GPM6A: variants seen among roughly 807,000 people sequenced by gnomAD.
GPM6A encodes the protein neuronal membrane glycoprotein M6-a.
GPM6A carries 7 observed loss-of-function variants against 32.1 expected under a neutral mutation model. That is an observed-to-expected ratio of 0.22 (90% CI 0.12 to 0.41). GPM6A has a LOEUF of 0.41. Among genes scored for constraint, GPM6A ranks in the 10% least tolerant of loss-of-function variants. The pLI is 1.00. For missense variants in GPM6A, 235 were observed against 347.2 expected (o/e 0.68, Z 2.57); for synonymous variants, 130 against 123.4 (o/e 1.05, Z -0.35).
At chr4:175,750,307 C>T (rs1579457794) in intron 1 of GPM6A, among the ~76,000 whole-genome samples, 1 of 152,270 alleles carries the variant, frequency 6.6e-6, no homozygotes, top group South Asian at 2.1e-4. Flanking sequence ...ATCCACCCGC[C>T]TTGGCCTCTT....
intron 1 of GPM6A, among the ~76,000 whole-genome samples, chr4:175,967,213 C>A (rs1270964109): frequency 6.6e-6 from 1 of 152,142 alleles, no homozygotes; most frequent in East Asian, 1.9e-4. Flanking sequence ...ATTATGACAA[C>A]AGATGCAGAA....
chr4:175,709,148 C>T (rs769263904), intron 1 of GPM6A, among the ~76,000 whole-genome samples: 9 of 152,074 alleles, frequency 5.9e-5, no homozygotes, highest in Non-Finnish European at 1.0e-4. Flanking sequence ...ATTTTTAATG[C>T]GTTCGTCATC....
At chr4:175,980,092 T>A (rs1425846546) in intron 1 of GPM6A, among the ~76,000 whole-genome samples, 1 of 152,210 alleles carries the variant, frequency 6.6e-6, no homozygotes, top group Admixed American at 6.5e-5. Context: ...ATTATCATTT[T>A]ACAAAAGTTA....
At position 175,695,242 on chromosome 4, in the gene GPM6A, T is replaced by C. The variant is rs143679477; in HGVS notation, c.230+6333A>G. Among the ~76,000 whole-genome samples the C allele has an allele frequency of 2.8e-3, 419 of 152,238 alleles. 3 individuals carry two copies. The highest frequency in any genetic ancestry group is 9.8e-3 in the African/African-American group (408 of 41,554). ...TTGGAGCTCCCACACAGAGTCCCCA[T>C]TGGGGTACTAGCTAGTAGAGCTGTG... is the stretch of plus-strand genomic sequence containing the variant. On this transcript the variant is annotated intron_variant, in intron 2 of 6. Transcript: ENST00000393658.
intron 1 of GPM6A, among the ~76,000 whole-genome samples, chr4:175,939,619 C>T (rs1739343092): frequency 3.3e-5 from 5 of 152,000 alleles, no homozygotes; most frequent in Admixed American, 3.3e-4. Flanking sequence ...ATAATATAAC[C>T]ATTATATGTG....
chr4:175,794,639 G>A (rs1734146622), intron 1 of GPM6A, among the ~76,000 whole-genome samples: 1 of 152,278 alleles, frequency 6.6e-6, no homozygotes, highest in East Asian at 1.9e-4. Flanking sequence ...TGGAACCTGG[G>A]GAATTGCATG....
At chr4:175,647,285 T>C (rs1451256332) in intron 4 of GPM6A, among the ~76,000 whole-genome samples, 1 of 152,180 alleles carries the variant, frequency 6.6e-6, no homozygotes, top group Non-Finnish European at 1.5e-5. Context: ...GATGATGTAA[T>C]GAGGATCAGT....
intron 3 of GPM6A, among the ~76,000 whole-genome samples, chr4:175,662,640 C>T (rs2110950465): frequency 6.6e-6 from 1 of 151,730 alleles, no homozygotes; most frequent in East Asian, 1.9e-4. Flanking sequence ...ACACATTTAG[C>T]AGGTATTTAA....
chr4:175,949,326 G>A (rs1739725002), intron 1 of GPM6A, among the ~76,000 whole-genome samples: 1 of 152,028 alleles, frequency 6.6e-6, no homozygotes, highest in Admixed American at 6.6e-5. Context: ...TTTGGTGGTG[G>A]TGGTAGAGAC....
intron 1 of GPM6A, among the ~76,000 whole-genome samples, chr4:175,842,470 C>A (rs1390002789): frequency 6.6e-6 from 1 of 152,106 alleles, no homozygotes; most frequent in Non-Finnish European, 1.5e-5. Context: ...TGTTGGTTCA[C>A]ACTTGTGATC....
chr4:175,649,247 C>G (rs1741644041), intron 4 of GPM6A, among the ~76,000 whole-genome samples: 1 of 152,138 alleles, frequency 6.6e-6, no homozygotes, highest in Admixed American at 6.6e-5. Context: ...AAGACATATT[C>G]TGTGCTTAAT....
At chr4:175,806,798 C>T (rs542020916) in intron 1 of GPM6A, 2 of 152,224 alleles carry the variant, frequency 1.3e-5, no homozygotes, top group Non-Finnish European at 2.9e-5. Context: ...AAAAGCACAG[C>T]TGTGAAATCT....
intron 1 of GPM6A, among the ~76,000 whole-genome samples, chr4:175,954,286 G>T (rs187942511): frequency 3.6e-4 from 55 of 152,330 alleles, no homozygotes; most frequent in Non-Finnish European, 7.8e-4. Flanking sequence ...CAGAGATCTA[G>T]AACGTTTTCA....
At chr4:175,803,965 ATGGTTTTTTT>A (rs954910653) in intron 1 of GPM6A, among the ~76,000 whole-genome samples, 3 of 145,896 alleles carry the variant, frequency 2.1e-5, no homozygotes, top group Admixed American at 6.8e-5. Flanking sequence ...TCACTGTAAA[ATGGTTTTTTT>A]TTTTAACTTG....
intron 1 of GPM6A, among the ~76,000 whole-genome samples, chr4:175,867,877 T>C (rs996968890): frequency 3.3e-5 from 5 of 152,244 alleles, no homozygotes; most frequent in African/African-American, 1.2e-4. Context: ...CATTTGGTTC[T>C]GGTTAAATAG....
intron 1 of GPM6A, among the ~76,000 whole-genome samples, chr4:175,792,617 A>G (rs1364724515): frequency 1.3e-5 from 2 of 152,190 alleles, no homozygotes; most frequent in Non-Finnish European, 2.9e-5. Flanking sequence ...GATGAATATT[A>G]GTAAAATTTG....
At chr4:175,678,157 G>A (rs943324752) in intron 2 of GPM6A, among the ~76,000 whole-genome samples, 2 of 152,028 alleles carry the variant, frequency 1.3e-5, no homozygotes, top group Non-Finnish European at 1.5e-5. Context: ...CACTGATAAG[G>A]CAAAGAACAT....
intron 3 of GPM6A, among the ~76,000 whole-genome samples, chr4:175,653,620 T>A (rs932306786): frequency 2.6e-5 from 4 of 152,172 alleles, no homozygotes; most frequent in African/African-American, 9.7e-5. Flanking sequence ...TATTCTTTTT[T>A]AAAATAATAT....
intron 1 of GPM6A, among the ~76,000 whole-genome samples, chr4:175,721,403 G>A (rs900655877): frequency 1.3e-5 from 2 of 151,600 alleles, no homozygotes; most frequent in African/African-American, 4.8e-5. Context: ...TTGAACCCAG[G>A]AGGCAGAGGT....
Sources: gnomAD v4.1 joint callset for allele counts (sites outside exome capture counted in the v4.1 genomes callset) on GRCh38, gnomAD v4.1.1 for gene constraint, MANE v1.5 for transcripts, NCBI Gene and HGNC (gene_info 2026-07-23, HGNC 2026-07-21) for gene names.